Variants in PDE1C observed in about 807,000 individuals in gnomAD.
PDE1C encodes the protein dual specificity calcium/calmodulin-dependent 3',5'-cyclic nucleotide phosphodiesterase 1C.
PDE1C carries 62 observed loss-of-function variants against 93.1 expected under a neutral mutation model. That is an observed-to-expected ratio of 0.67 (90% CI 0.54 to 0.82). The LOEUF (loss-of-function observed/expected upper bound fraction) is 0.82. PDE1C is among the 40% of genes least tolerant of loss of function. The pLI, the probability that PDE1C is intolerant of heterozygous loss-of-function variation, is 0.00. For synonymous variants in PDE1C, 325 were observed against 310.1 expected, an observed-to-expected ratio of 1.05 and a Z score of -0.50; for missense variants, 742 against 884.6, an observed-to-expected ratio of 0.84 and a Z score of 2.04.
At chr7:31,980,186 C>T (rs1366810075) in intron 2 of PDE1C, among the ~76,000 whole-genome samples, 2 of 152,162 alleles carry the variant, frequency 1.3e-5, no homozygotes, top group Non-Finnish European at 2.9e-5. Flanking sequence ...TACCCCAGCA[C>T]AAAGCGGGCC....
At chr7:32,224,728 TA>T (rs1416934492) in intron 1 of PDE1C, among the ~76,000 whole-genome samples, 1 of 152,184 alleles carries the variant, frequency 6.6e-6, no homozygotes, top group African/African-American at 2.4e-5. Context: ...CAGAAATGGG[TA>T]AGGATGTCCT....
the PDE1C span, among the ~76,000 whole-genome samples, chr7:31,729,234 C>G: frequency 6.6e-6 from 1 of 152,208 alleles, no homozygotes; most frequent in Admixed American, 6.5e-5. Flanking sequence ...TGTTCTTCCA[C>G]TTGGGCCGTT....
intron 2 of PDE1C, among the ~76,000 whole-genome samples, chr7:32,000,699 T>G (rs111369313): frequency 6.6e-6 from 1 of 152,116 alleles, no homozygotes; most frequent in Non-Finnish European, 1.5e-5. Context: ...GGACTCTTCA[T>G]ATCCCCAGCC....
chr7:32,186,897 T>C (rs1290804546), intron 2 of PDE1C, among the ~76,000 whole-genome samples: 1 of 152,176 alleles, frequency 6.6e-6, no homozygotes, highest in Non-Finnish European at 1.5e-5. Context: ...CACATCTTCA[T>C]TGTGGACGGC....
intron 1 of PDE1C, among the ~76,000 whole-genome samples, chr7:32,259,128 A>C (rs143890022): frequency 6.6e-6 from 1 of 152,258 alleles, no homozygotes; most frequent in East Asian, 1.9e-4. Context: ...CACGTGGTGT[A>C]TGTTTCCTAA....
At chr7:32,382,571 C>T (rs950175064) in intron 1 of PDE1C, among the ~76,000 whole-genome samples, 9 of 152,268 alleles carry the variant, frequency 5.9e-5, no homozygotes, top group South Asian at 4.1e-4. Context: ...CTGCTCATCC[C>T]TTGGAACACG....
At chr7:32,191,010 C>G (rs902623790) in intron 2 of PDE1C, among the ~76,000 whole-genome samples, 1 of 151,962 alleles carries the variant, frequency 6.6e-6, no homozygotes, top group Non-Finnish European at 1.5e-5. Flanking sequence ...GGGAGAGCAA[C>G]TAGTTAAATT....
chr7:32,230,866 A>G (rs1213586273), intron 1 of PDE1C, among the ~76,000 whole-genome samples: 8 of 152,100 alleles, frequency 5.3e-5, no homozygotes, highest in Admixed American at 3.9e-4. Flanking sequence ...TCATAGAATA[A>G]GGGTCTAATT....
chr7:31,782,451 A>G (rs1783499330), intron 16 of PDE1C, among the ~76,000 whole-genome samples: 1 of 152,240 alleles, frequency 6.6e-6, no homozygotes, highest in Non-Finnish European at 1.5e-5. Context: ...TAAGAAAAAA[A>G]TTAAAAATAT....
At chr7:31,914,216 A>G (rs1172151940) in intron 2 of PDE1C, among the ~76,000 whole-genome samples, 1 of 152,224 alleles carries the variant, frequency 6.6e-6, no homozygotes, top group African/African-American at 2.4e-5. Context: ...AAAAGAAGTC[A>G]AAGTCCAAGA....
Position 31,816,118 on chromosome 7 carries a change from C to G in PDE1C, c.1619G>C (p.Arg540Pro), listed in dbSNP as rs754747288. Residue 540 changes from arginine to proline, a missense_variant, in exon 15 of 18, where the codon CGC becomes CCC. Physicochemically the swap from Arg to Pro is moderately radical, Grantham distance 103. Transcript: ENST00000396191. ...KAKKEAEEKA[R>P]LAAEEQQKEM... Reference sequence around the variant, plus strand: ...CTTTTGCTGCTCCTCTGCGGCCAGGCGAGCCTTTTCCTCTGCTTCCTTCTT... The same window carrying G: ...CTTTTGCTGCTCCTCTGCGGCCAGGGGAGCCTTTTCCTCTGCTTCCTTCTT... 1.9e-6 allele frequency: 3 copies of G among 1,613,920 alleles called. No homozygotes were observed. Among genetic ancestry groups the G allele is most frequent in the African/African-American group, 1.3e-5 (1 of 75,004 alleles).
chr7:32,062,510 C>T (rs569499487), intron 1 of PDE1C, among the ~76,000 whole-genome samples: 5 of 152,314 alleles, frequency 3.3e-5, no homozygotes, highest in African/African-American at 9.6e-5. Context: ...GCCTAGAATA[C>T]GCTTCCCTAA....
At chr7:31,860,351 C>T (rs1794540811) in intron 7 of PDE1C, among the ~76,000 whole-genome samples, 1 of 152,134 alleles carries the variant, frequency 6.6e-6, no homozygotes, top group Admixed American at 6.6e-5. Context: ...AATTATCTGG[C>T]CCCAAACGTC....
At chr7:32,213,828 C>T (rs1003187953) in intron 1 of PDE1C, among the ~76,000 whole-genome samples, 4 of 152,232 alleles carry the variant, frequency 2.6e-5, no homozygotes, top group South Asian at 4.1e-4. Context: ...ATTCTATTGA[C>T]GTTCAGTTGC....
intron 1 of PDE1C, among the ~76,000 whole-genome samples, chr7:32,362,138 A>C (rs1784148408): frequency 6.6e-6 from 1 of 152,166 alleles, no homozygotes; most frequent in Non-Finnish European, 1.5e-5. Flanking sequence ...TTGGAAGATG[A>C]GTAGGAAGGA....
intron 1 of PDE1C, among the ~76,000 whole-genome samples, chr7:32,288,706 C>T (rs913035382): frequency 1.3e-5 from 2 of 152,160 alleles, no homozygotes; most frequent in Admixed American, 6.5e-5. Flanking sequence ...TACAGTGGAC[C>T]TTTCTGAGAA....
At chr7:32,258,456 T>C (rs954473487) in intron 1 of PDE1C, among the ~76,000 whole-genome samples, 4 of 152,170 alleles carry the variant, frequency 2.6e-5, no homozygotes, top group Non-Finnish European at 5.9e-5. Context: ...TGCACTTCCC[T>C]TCTTGCCCAT....
intron 2 of PDE1C, among the ~76,000 whole-genome samples, chr7:31,961,150 T>C (rs941688215): frequency 3.3e-5 from 5 of 152,136 alleles, no homozygotes; most frequent in African/African-American, 1.2e-4. Flanking sequence ...GCTTAGTTTA[T>C]ATTGTCAGCA....
At chr7:32,354,878 G>A (rs970574836) in intron 1 of PDE1C, among the ~76,000 whole-genome samples, 9 of 152,212 alleles carry the variant, frequency 5.9e-5, no homozygotes. Flanking sequence ...TAAGGCCTAA[G>A]GGCCCTGATG....
Sources: gnomAD v4.1 joint callset for allele counts (sites outside exome capture counted in the v4.1 genomes callset) on GRCh38, gnomAD v4.1.1 for gene constraint, MANE v1.5 for transcripts, NCBI Gene and HGNC (gene_info 2026-07-23, HGNC 2026-07-21) for gene names.